Variants in GALNT13 observed in about 807,000 individuals in gnomAD.
The protein encoded by GALNT13 is UDP-GalNAc:polypeptide N-acetylgalactosaminyltransferase 13.
A neutral mutation model predicts 64.2 loss-of-function variants in GALNT13; 28 were observed. The ratio of observed to expected loss-of-function variants is 0.44; its 90% CI spans 0.32 to 0.60. The LOEUF (loss-of-function observed/expected upper bound fraction) is 0.60. GALNT13 is among the 20% of genes least tolerant of loss of function. GALNT13 has a pLI of 0.05. For missense variants in GALNT13, 577 were observed against 669.8 expected (o/e 0.86, Z 1.53); for synonymous variants, 214 against 224.6 (o/e 0.95, Z 0.42).
At chr2:153,546,818 T>A in the GALNT13 span, among the ~76,000 whole-genome samples, 1 of 152,232 alleles carries the variant, frequency 6.6e-6, no homozygotes, top group Non-Finnish European at 1.5e-5. Flanking sequence ...TCTTCTGTGT[T>A]TTCCTAAGTC....
intron 11 of GALNT13, among the ~76,000 whole-genome samples, chr2:154,424,905 A>T (rs1171185740): frequency 6.6e-6 from 1 of 152,210 alleles, no homozygotes; most frequent in Admixed American, 6.5e-5. Context: ...TTGCAGCAAT[A>T]CTGACAGATG....
the GALNT13 span, among the ~76,000 whole-genome samples, chr2:153,521,277 A>G: frequency 1.3e-5 from 2 of 151,678 alleles, no homozygotes; most frequent in Non-Finnish European, 2.9e-5. Context: ...GATAAATACC[A>G]TTAGGTTTTT....
At chr2:153,370,234 G>T in the GALNT13 span, among the ~76,000 whole-genome samples, 5 of 152,056 alleles carry the variant, frequency 3.3e-5, no homozygotes, top group African/African-American at 9.7e-5. Flanking sequence ...CTTCATTCAT[G>T]AATATTACCA....
the GALNT13 span, among the ~76,000 whole-genome samples, chr2:153,432,828 A>G: frequency 1.3e-5 from 2 of 152,160 alleles, no homozygotes; most frequent in Non-Finnish European, 2.9e-5. Context: ...AAATAACTTC[A>G]CCTAGATTAA....
chr2:153,979,086 T>C (rs1694274572), intron 3 of GALNT13, among the ~76,000 whole-genome samples: 1 of 152,198 alleles, frequency 6.6e-6, no homozygotes, highest in Non-Finnish European at 1.5e-5. Flanking sequence ...CTCTGAAAGG[T>C]TAATAACAAT....
the GALNT13 span, among the ~76,000 whole-genome samples, chr2:153,141,299 G>A: frequency 6.6e-6 from 1 of 151,960 alleles, no homozygotes; most frequent in Admixed American, 6.6e-5. Context: ...AGGATGCTGG[G>A]CTGGGGCAGC....
the GALNT13 span, among the ~76,000 whole-genome samples, chr2:153,860,828 T>C: frequency 1.3e-5 from 2 of 152,336 alleles, no homozygotes; most frequent in African/African-American, 2.4e-5. Flanking sequence ...TGTGTGCTGA[T>C]GCATGATCGT....
the GALNT13 span, among the ~76,000 whole-genome samples, chr2:153,445,145 A>G: frequency 6.6e-6 from 1 of 152,180 alleles, no homozygotes. Flanking sequence ...CCAAATGTCT[A>G]ATCAAGCTGA....
At chr2:154,425,119 T>A (rs537113859) in intron 11 of GALNT13, among the ~76,000 whole-genome samples, 67 of 152,304 alleles carry the variant, frequency 4.4e-4, no homozygotes, top group Non-Finnish European at 7.6e-4. Flanking sequence ...ATAATTTGGC[T>A]TTTCAGAATC....
At chr2:153,496,843 A>T in the GALNT13 span, among the ~76,000 whole-genome samples, 3 of 151,942 alleles carry the variant, frequency 2.0e-5, no homozygotes, top group East Asian at 5.8e-4. Context: ...AAGAAAAAAA[A>T]ATTACCCAGG....
chr2:153,377,565 G>A, the GALNT13 span, among the ~76,000 whole-genome samples: 1 of 152,082 alleles, frequency 6.6e-6, no homozygotes, highest in Admixed American at 6.6e-5. Flanking sequence ...GTGCTCTCTT[G>A]CCATGTGATC....
chr2:153,632,365 C>G, the GALNT13 span, among the ~76,000 whole-genome samples: 1 of 152,160 alleles, frequency 6.6e-6, no homozygotes, highest in East Asian at 1.9e-4. Context: ...TATTGATAAG[C>G]TACTATTAAC....
At chr2:154,007,304 G>T (rs1303833325) in intron 3 of GALNT13, among the ~76,000 whole-genome samples, 1 of 149,098 alleles carries the variant, frequency 6.7e-6, no homozygotes, top group Non-Finnish European at 1.5e-5. Flanking sequence ...GAGCTCAAAA[G>T]ATAATTCTAA....
intron 3 of GALNT13, among the ~76,000 whole-genome samples, chr2:153,962,942 G>T (rs532197976): frequency 6.6e-6 from 1 of 152,092 alleles, no homozygotes; most frequent in Admixed American, 6.6e-5. Flanking sequence ...GTGTATCAGC[G>T]GTTCTGTTGC....
chr2:153,301,331 G>GAAAAAAAAAA, the GALNT13 span, among the ~76,000 whole-genome samples: 4 of 51,250 alleles, frequency 7.8e-5, no homozygotes, highest in African/African-American at 2.3e-4. Flanking sequence ...AAAAAAAAAA[G>GAAAAAAAAAA]AGTCTGCAGA....
the GALNT13 span, among the ~76,000 whole-genome samples, chr2:153,848,442 CAG>C: frequency 6.6e-6 from 1 of 152,018 alleles, no homozygotes; most frequent in African/African-American, 2.4e-5. Flanking sequence ...ATAAAAATAA[CAG>C]TAAATTAAAT....
chr2:154,282,448 C>G (rs1199365476), intron 8 of GALNT13, among the ~76,000 whole-genome samples: 1 of 152,132 alleles, frequency 6.6e-6, no homozygotes, highest in Admixed American at 6.6e-5. Context: ...TCATTCCCAT[C>G]TAAAAATATG....
chr2:154,089,959 G>A (rs1439422570), intron 3 of GALNT13, among the ~76,000 whole-genome samples: 1 of 151,852 alleles, frequency 6.6e-6, no homozygotes, highest in Non-Finnish European at 1.5e-5. Context: ...TTGTTTAAAT[G>A]AATACATATA....
chr2:153,321,614 T>C, the GALNT13 span, among the ~76,000 whole-genome samples: 4 of 152,192 alleles, frequency 2.6e-5, no homozygotes, highest in African/African-American at 7.2e-5. Flanking sequence ...GTAAATAATA[T>C]TGTAGCCTAG....
Sources: allele counts gnomAD v4.1 joint callset (sites outside exome capture counted in the v4.1 genomes callset), GRCh38; gene constraint gnomAD v4.1.1; transcripts MANE v1.5; gene names NCBI Gene and HGNC (gene_info 2026-07-23, HGNC 2026-07-21).